The following CKAP2 variants were observed in gnomAD, a reference collection of about 807,000 sequenced individuals.
CKAP2 encodes the protein cytoskeleton-associated protein 2.
CKAP2 carries 46 observed loss-of-function variants against 58.4 expected under a neutral mutation model. The observed-to-expected ratio is 0.79, with a 90% CI of 0.62 to 1.01. The LOEUF is 1.01. Among genes scored for constraint, CKAP2 ranks in the 50% least tolerant of loss-of-function variants. The pLI, the probability that CKAP2 is intolerant of heterozygous loss-of-function variation, is 0.00. For synonymous variants in CKAP2, 293 were observed against 280.9 expected (o/e 1.04, Z -0.43); for missense variants, 809 against 796.4 (o/e 1.02, Z -0.19).
At chr13:52,456,670 G>GTTT in intron 2 of CKAP2, 63 bp downstream of exon 2, 1 of 1,259,830 alleles carries the variant, frequency 7.9e-7, no homozygotes, top group Non-Finnish European at 1.1e-6. Context: ...CAATGAAAAT[G>GTTT]TAAAGTAAGC....
At chr13:52,474,468 G>T (rs1262494621) in intron 8 of CKAP2, among the ~76,000 whole-genome samples, 1 of 152,216 alleles carries the variant, frequency 6.6e-6, no homozygotes, top group African/African-American at 2.4e-5. Flanking sequence ...CAGCCTGGAT[G>T]ACAGAGCGAG....
chr13:52,462,927 A>G (rs1314116409), intron 5 of CKAP2, among the ~76,000 whole-genome samples: 1 of 152,042 alleles, frequency 6.6e-6, no homozygotes, highest in East Asian at 1.9e-4. Flanking sequence ...GAGATCCACA[A>G]AGTTCATTTA....
chr13:52,472,425 A>C (rs1958772756), intron 7 of CKAP2, among the ~76,000 whole-genome samples: 1 of 152,190 alleles, frequency 6.6e-6, no homozygotes, highest in Non-Finnish European at 1.5e-5. Context: ...AAACTCAGTC[A>C]CTATCATGCA....
chr13:52,473,831 G>T lies in CKAP2; in HGVS notation c.1549G>T (p.Glu517Ter). Residue 517 changes from glutamate (E) to a stop codon, truncating the protein, a stop_gained and splice_region_variant, in exon 8 of 9, where the codon GAA (glutamate) becomes TAA (stop). Transcript: ENST00000258607. LOFTEE classifies it high-confidence loss of function. The part of the protein sequence containing the change: ...MKSQEKANLG[E>*]NMEKSCASKE... ...ATCTATAAATGTATTTTCTATAGGA[G>T]AAAATATGGAGAAGTCTTGTGCAAG... 1 of 1,596,554 alleles carries T rather than the reference G, an allele frequency of 6.3e-7. No individual in the cohort carries two copies. The highest frequency in any genetic ancestry group is 1.1e-5 in the South Asian group (1 of 87,700).
At chr13:52,469,904 A>G (rs1333866169) in intron 7 of CKAP2, among the ~76,000 whole-genome samples, 6 of 152,114 alleles carry the variant, frequency 3.9e-5, no homozygotes, top group African/African-American at 1.4e-4. Context: ...ATATTTATAA[A>G]GTATCATAGT....
chr13:52,462,405 A>G lies in CKAP2; in HGVS notation c.1143A>G (p.Leu381=), dbSNP rs1958600276. 1 of 1,613,844 alleles carries G rather than the reference A, an allele frequency of 6.2e-7. No individual in the cohort carries two copies. Among genetic ancestry groups the G allele is most frequent in the Non-Finnish European group, 8.5e-7 (1 of 1,179,922 alleles). ...GGAAAGCTGGCAAAGGAAGAGTGCTAAAAAGGCCCCCTAATTCAGTAGTTA... is the reference window on the plus strand; with the variant it reads ...GGAAAGCTGGCAAAGGAAGAGTGCTGAAAAGGCCCCCTAATTCAGTAGTTA... The part of the protein sequence containing the change: ...SEWKAGKGRV[L]KRPPNSVVTQ... The change falls in exon 5 of 9, where the codon CTA becomes CTG. Residue 381 remains leucine, a synonymous_variant. Transcript: ENST00000258607.
Position 52,462,445 on chromosome 13 carries a change from G to C in CKAP2, c.1183G>C (p.Ala395Pro). 6.2e-7 allele frequency: 1 copy of C among 1,614,122 alleles called. No individual in the cohort carries two copies. The highest frequency in any genetic ancestry group is 1.7e-5 in the Admixed American group (1 of 60,018). The change falls in exon 5 of 9, where the codon GCA (alanine) becomes CCA (proline). Residue 395 changes from alanine to proline, a missense_variant. Ala to Pro is a conservative substitution (Grantham distance 27). Transcript: ENST00000258607. Reference protein sequence around the residue: ...PNSVVTQHEPAGQNEKPVGSF... With the variant: ...PNSVVTQHEPPGQNEKPVGSF... ...TTCAGTAGTTACTCAGCATGAGCCT[G>C]CAGGACAAAATGAAAAACCAGTTGG...
In CKAP2 at chr13:52,456,138, C is replaced by T. The variant is rs1958475927; in HGVS notation, c.71-385C>T. 10 of 1,026,558 alleles carry T rather than the reference C, an allele frequency of 9.7e-6. No individual in the cohort carries two copies. The South Asian group carries it at 3.1e-4, about 31-fold the overall frequency. The allele number at this position is 1,026,558 out of a possible 1,614,324, so 63.6% of individuals were successfully genotyped here. A position where few individuals can be genotyped will look rare whatever the true frequency, so the allele number is the denominator to read the frequency against. Reference sequence around the variant, plus strand: ...TATTGTTATTCCCTTATTCTACACACGGGAAAGCAGAAGAAAGTAATTCTC... The same window carrying T: ...TATTGTTATTCCCTTATTCTACACATGGGAAAGCAGAAGAAAGTAATTCTC... On this transcript the variant is annotated intron_variant, in intron 1 of 8. Transcript: ENST00000258607.
intron 7 of CKAP2, among the ~76,000 whole-genome samples, chr13:52,472,520 C>G (rs144307079): frequency 6.6e-6 from 1 of 152,104 alleles, no homozygotes; most frequent in African/African-American, 2.4e-5. Flanking sequence ...AATGGATTCA[C>G]CAGGATGTCT....
rs986213947 is a variant in CKAP2, at chr13:52,456,398, A to G, written c.71-125A>G. 8.7e-6 allele frequency: 7 copies of G among 804,282 alleles called. No homozygotes were observed. In the Admixed American group the frequency reaches 1.4e-4, roughly 16 times the overall value. The allele number at this position is 804,282 out of a possible 1,614,324, so 49.8% of individuals were successfully genotyped here. ...ATATTGAATTGGAGAATTTTCTGTT[A>G]TATAGATGTGACCTCAGGTGGAACC... On this transcript the variant is annotated intron_variant, in intron 1 of 8. Transcript: ENST00000258607.
In CKAP2 at chr13:52,455,725, C is replaced by T. The variant is rs1049666668; in HGVS notation, c.70+99C>T. On this transcript the variant is annotated intron_variant, in intron 1 of 8. Coordinates refer to ENST00000258607, the MANE Select transcript of CKAP2 (RefSeq NM_018204.5). The stretch of plus-strand genomic sequence containing the variant: ...GGGGCCGCGCTGGCGCGCTTCACCT[C>T]TCCCCCGCTCTGTGAGATCCCTGAA... The T allele has an allele frequency of 8.7e-6, 11 of 1,267,218 alleles. No homozygotes were observed. In the African/African-American group the frequency reaches 1.8e-4, roughly 21 times the overall value. The allele number at this position is 1,267,218 out of a possible 1,614,324, so 78.5% of individuals were successfully genotyped here. A position where few individuals can be genotyped will look rare whatever the true frequency, so the allele number is the denominator to read the frequency against.
rs779404173 is a variant in CKAP2, at chr13:52,461,431, C to T, written c.605C>T (p.Ala202Val). The T allele has an allele frequency of 5.0e-5, 80 of 1,614,056 alleles. No homozygotes were observed. In the Admixed American group the frequency reaches 1.3e-3, roughly 26 times the overall value. ...KPLQVKDESSAATKKLSATIP... is the reference protein window; with the variant it reads ...KPLQVKDESSVATKKLSATIP... ...CTACAAGTCAAAGATGAGAGTTCTGCAGCAACAAAGAAACTTTCAGCCACT... is the reference window on the plus strand; with the variant it reads ...CTACAAGTCAAAGATGAGAGTTCTGTAGCAACAAAGAAACTTTCAGCCACT... The change falls in exon 4 of 9, where the codon GCA becomes GTA. Residue 202 changes from alanine (A) to valine (V), a missense_variant. This residue lies in a region of CKAP2 where 523 missense variants were observed against 492.4 expected (regional missense o/e 1.06). Coordinates refer to ENST00000258607, the MANE Select transcript of CKAP2 (RefSeq NM_018204.5).
At chr13:52,463,218 G>A (rs1389688620) in intron 5 of CKAP2, among the ~76,000 whole-genome samples, 1 of 152,208 alleles carries the variant, frequency 6.6e-6, no homozygotes, top group Admixed American at 6.5e-5. Context: ...GATTACAGGT[G>A]TGAGCCACTG....
chr13:52,461,957 A>G, intron 4 of CKAP2, 31 bp downstream of exon 4: 1 of 1,519,120 alleles, frequency 6.6e-7, no homozygotes, highest in Non-Finnish European at 8.8e-7. Context: ...TTATTACATT[A>G]GTTTTCAATA....
chr13:52,473,901 A>T lies in CKAP2; in HGVS notation c.1619A>T (p.Asp540Val). The part of the protein sequence containing the change: ...KEVSIEDTGV[D>V]VDPEKLEMES... ...GTCAGTATTGAAGATACAGGTGTTG[A>T]TGTAGATCCAGAAAAACTGGAAATG... is the stretch of plus-strand genomic sequence containing the variant. The change falls in exon 8 of 9, where the codon GAT becomes GTT. Residue 540 changes from aspartate (D) to valine (V), a missense_variant. Around this residue, in one of 3 missense-constraint regions of CKAP2, gnomAD observed 283 missense variants for 287.6 expected, o/e 0.98. Transcript: ENST00000258607. 1 of 1,613,880 alleles carries T rather than the reference A, an allele frequency of 6.2e-7. No homozygotes were observed. Among genetic ancestry groups the T allele is most frequent in the Admixed American group, 1.7e-5 (1 of 60,016 alleles).
chr13:52,465,424 A>T lies in CKAP2; in HGVS notation c.1435A>T (p.Ile479Phe). The stretch of plus-strand genomic sequence containing the variant: ...ACCAATCACAAGTCCTATTGAAAAT[A>T]TTATTGCAATCTATGAGAAAGCCAT... ...IEPITSPIEN[I>F]IAIYEKAILA... Residue 479 changes from isoleucine (I) to phenylalanine (F), a missense_variant, in exon 6 of 9, where the codon ATT becomes TTT. Ile to Phe is a conservative substitution (Grantham distance 21). This residue lies in a region of CKAP2 where 283 missense variants were observed against 287.6 expected (regional missense o/e 0.98). Transcript: ENST00000258607. 6.2e-7 allele frequency: 1 copy of T among 1,613,572 alleles called. No individual in the cohort carries two copies. Among genetic ancestry groups the T allele is most frequent in the Non-Finnish European group, 8.5e-7 (1 of 1,179,668 alleles).
rs1012383940 is a variant in CKAP2 at position 52,476,142 on chromosome 13, A to G, written c.*1001A>G. ...GTAAGGTTCCAAACTAATATGGCAT[A>G]TATCAACTCTACAGTTTCAAATAAA... On this transcript the variant is annotated 3_prime_UTR_variant, in exon 9 of 9. Coordinates refer to ENST00000258607, the MANE Select transcript of CKAP2 (RefSeq NM_018204.5). 2.0e-5 allele frequency: 3 copies of G among 152,254 alleles called. No individual in the cohort carries two copies. The highest frequency in any genetic ancestry group is 4.4e-5 in the Non-Finnish European group (3 of 68,036). The allele number at this position is 152,254 out of a possible 1,614,324, so 9.4% of individuals were successfully genotyped here.
At chr13:52,468,689 G>T (rs958389277) in intron 7 of CKAP2, among the ~76,000 whole-genome samples, 4 of 152,174 alleles carry the variant, frequency 2.6e-5, no homozygotes, top group Non-Finnish European at 4.4e-5. Context: ...CTCCATCCAT[G>T]TTCCTGCAAA....
chr13:52,474,778 T>G (rs965036581), intron 8 of CKAP2, 117 bp from the exon 9 acceptor site: 5 of 1,007,568 alleles, frequency 5.0e-6, no homozygotes, highest in East Asian at 5.2e-5. Context: ...TAAAAGACAA[T>G]TAAATGCTTT....
Sources: allele counts gnomAD v4.1 joint callset (sites outside exome capture counted in the v4.1 genomes callset), GRCh38; gene constraint gnomAD v4.1.1; regional missense constraint gnomAD v4.1.1; transcripts MANE v1.5; gene names NCBI Gene and HGNC (gene_info 2026-07-23, HGNC 2026-07-21).